Variants in CTNND2 observed in about 807,000 individuals in gnomAD.
CTNND2 encodes catenin delta-2.
Under a neutral mutation model 144.4 loss-of-function variants are expected in CTNND2, and 22 were observed. The ratio of observed to expected loss-of-function variants is 0.15; its 90% CI spans 0.11 to 0.22. CTNND2 has a LOEUF of 0.22. CTNND2 is among the 10% of genes least tolerant of loss of function. The pLI, the probability that CTNND2 is intolerant of heterozygous loss-of-function variation, is 1.00. For missense variants in CTNND2, 1,353 were observed against 1,618.8 expected, an observed-to-expected ratio of 0.84 and a Z score of 2.82; for synonymous variants, 751 against 695.6, an observed-to-expected ratio of 1.08 and a Z score of -1.25.
At chr5:11,122,439 G>A (rs889991441) in intron 12 of CTNND2, among the ~76,000 whole-genome samples, 3 of 151,892 alleles carry the variant, frequency 2.0e-5, no homozygotes, top group African/African-American at 7.3e-5. Flanking sequence ...TCAAGGCTAG[G>A]TTGTCTTCCT....
At chr5:11,019,533 C>G (rs1226259796) in intron 17 of CTNND2, among the ~76,000 whole-genome samples, 1 of 152,164 alleles carries the variant, frequency 6.6e-6, no homozygotes, top group East Asian at 1.9e-4. Context: ...TAACGAACAG[C>G]AGGTTTTAAC....
intron 3 of CTNND2, among the ~76,000 whole-genome samples, chr5:11,520,605 T>C (rs1186607208): frequency 2.0e-5 from 3 of 152,222 alleles, no homozygotes; most frequent in Non-Finnish European, 4.4e-5. Flanking sequence ...TTGTCACCCA[T>C]GAGACACGCC....
At chr5:11,114,227 C>T (rs756521748) in intron 13 of CTNND2, among the ~76,000 whole-genome samples, 4 of 152,170 alleles carry the variant, frequency 2.6e-5, no homozygotes, top group Non-Finnish European at 5.9e-5. Flanking sequence ...TCCCACTGTT[C>T]GTCTTCCCTG....
intron 1 of CTNND2, among the ~76,000 whole-genome samples, chr5:11,820,052 T>C (rs905206833): frequency 4.6e-5 from 7 of 152,150 alleles, no homozygotes; most frequent in African/African-American, 1.7e-4. Flanking sequence ...GACTGCCTGC[T>C]TCCCCCGTGT....
chr5:11,717,937 A>G (rs1334432413), intron 2 of CTNND2, among the ~76,000 whole-genome samples: 2 of 152,140 alleles, frequency 1.3e-5, no homozygotes, highest in East Asian at 3.9e-4. Context: ...AATGCTATCA[A>G]CACCTTCTTA....
chr5:11,903,840 T>G lies in CTNND2; in HGVS notation c.14A>C (p.Lys5Thr). 2.0e-6 allele frequency: 3 copies of G among 1,481,864 alleles called. No homozygotes were observed. The highest frequency in any genetic ancestry group is 2.7e-6 in the Non-Finnish European group (3 of 1,122,546). The allele number at this position is 1,481,864 out of a possible 1,614,324, so 91.8% of individuals were successfully genotyped here. A position where few individuals can be genotyped will look rare whatever the true frequency, so the allele number is the denominator to read the frequency against. The stretch of plus-strand genomic sequence containing the variant: ...ACCCAAAGGCGCGGCGCCCGGCGGC[T>G]TCCTCGCAAACATGCACCCTCCGCC... The part of the protein sequence containing the change: MFAR[K>T]PPGAAPLGAM... Residue 5 changes from lysine to threonine, a missense_variant, in exon 1 of 22, where the codon AAG (lysine) becomes ACG (threonine). By Grantham distance (78) the Lys-to-Thr change is moderately conservative. This residue lies in a region of CTNND2 where 708 missense variants were observed against 706.4 expected (regional missense o/e 1.00). Coordinates refer to ENST00000304623, the MANE Select transcript of CTNND2 (RefSeq NM_001332.4). This position sits in a 1 kb window ranked among gnomAD's most constrained non-coding sequence, Gnocchi z 5.4.
chr5:11,413,037 C>G (rs1224013435), intron 3 of CTNND2, among the ~76,000 whole-genome samples: 1 of 152,126 alleles, frequency 6.6e-6, no homozygotes, highest in Non-Finnish European at 1.5e-5. Flanking sequence ...AAGGCCATGA[C>G]TGGCGTAAAT....
rs140006746 is a variant in CTNND2, at chr5:11,428,345, C to T, written c.288-16276G>A. The stretch of plus-strand genomic sequence containing the variant: ...TAAATTTCCTTCTCCCTAATCATCA[C>T]CTGTAAGATCAAGCCCCAACTCCTT... On this transcript the variant is annotated intron_variant, in intron 3 of 21. Transcript: ENST00000304623. 1.2e-4 allele frequency among the ~76,000 whole-genome samples: 18 copies of T among 152,302 alleles called. No individual in the cohort carries two copies. The East Asian group carries it at 3.1e-3, about 26-fold the overall frequency.
intron 1 of CTNND2, among the ~76,000 whole-genome samples, chr5:11,754,639 T>C (rs1788819413): frequency 6.6e-6 from 1 of 151,874 alleles, no homozygotes; most frequent in Non-Finnish European, 1.5e-5. Context: ...TGGGTGCTCC[T>C]GTCTTGGGTG....
intron 1 of CTNND2, among the ~76,000 whole-genome samples, chr5:11,833,527 GT>G (rs1554128694): frequency 6.6e-6 from 1 of 150,760 alleles, no homozygotes; most frequent in African/African-American, 2.4e-5. Context: ...AAACTATTTT[GT>G]TTTTTTTTGT....
At chr5:11,186,427 C>T (rs1735633156) in intron 11 of CTNND2, among the ~76,000 whole-genome samples, 1 of 152,158 alleles carries the variant, frequency 6.6e-6, no homozygotes, top group Non-Finnish European at 1.5e-5. Context: ...CCAGTGGAAG[C>T]GATTCCACTT....
Position 11,596,655 on chromosome 5 carries a change from A to G in CTNND2, c.175-31599T>C, listed in dbSNP as rs571292767. On this transcript the variant is annotated intron_variant, in intron 2 of 21. Coordinates refer to ENST00000304623, the MANE Select transcript of CTNND2 (RefSeq NM_001332.4). ...GTAGGATATATTTGCCTTTGGTATTATAAAAATCCTTTACATTTAGGCTGG... is the reference window on the plus strand; with the variant it reads ...GTAGGATATATTTGCCTTTGGTATTGTAAAAATCCTTTACATTTAGGCTGG... Among the ~76,000 whole-genome samples, 9 of 152,324 alleles carry G rather than the reference A, an allele frequency of 5.9e-5. No individual in the cohort carries two copies. The South Asian group carries it at 1.0e-3, about 18-fold the overall frequency.
chr5:11,461,214 GC>G (rs530196611), intron 3 of CTNND2, among the ~76,000 whole-genome samples: 89 of 151,898 alleles, frequency 5.9e-4, no homozygotes, highest in Middle Eastern at 6.8e-3. Context: ...TGGAACAAAT[GC>G]CCTGAATAAA....
chr5:11,087,689 ATAAATCAAT>A (rs71987845), intron 15 of CTNND2, among the ~76,000 whole-genome samples: 11,576 of 140,180 alleles, frequency 0.083, 569 homozygotes, highest in Non-Finnish European at 0.11. Context: ...TAGTAAAGAA[ATAAATCAAT>A]TTAATAAGCA....
intron 16 of CTNND2, among the ~76,000 whole-genome samples, chr5:11,052,140 G>T (rs1745898980): frequency 6.6e-6 from 1 of 152,106 alleles, no homozygotes; most frequent in Non-Finnish European, 1.5e-5. Context: ...GGAGCCAAAG[G>T]GCTGTTAGAT....
chr5:11,490,889 G>A (rs567735360), intron 3 of CTNND2, among the ~76,000 whole-genome samples: 1 of 152,280 alleles, frequency 6.6e-6, no homozygotes, highest in Non-Finnish European at 1.5e-5. Flanking sequence ...TTGGGAGGCT[G>A]AGGTGGGAGG....
At chr5:11,184,962 G>A (rs772722303) in intron 11 of CTNND2, among the ~76,000 whole-genome samples, 4 of 152,290 alleles carry the variant, frequency 2.6e-5, no homozygotes, top group African/African-American at 7.2e-5. Context: ...GCTGCTTTGC[G>A]CAGGAGTGCT....
chr5:11,557,430 G>A (rs544552064), intron 3 of CTNND2, among the ~76,000 whole-genome samples: 1 of 152,258 alleles, frequency 6.6e-6, no homozygotes, highest in East Asian at 1.9e-4. Context: ...TCAGATCGAG[G>A]TTCTGGTTTT....
At chr5:11,127,703 G>C (rs527707436) in intron 12 of CTNND2, among the ~76,000 whole-genome samples, 13 of 152,270 alleles carry the variant, frequency 8.5e-5, no homozygotes, top group African/African-American at 2.2e-4. Flanking sequence ...TGCATGTTGG[G>C]AGCAGATATG....
Sources: gnomAD v4.1 joint callset for allele counts (sites outside exome capture counted in the v4.1 genomes callset) on GRCh38, gnomAD v4.1.1 for gene constraint, gnomAD v4.1.1 regional missense constraint, Gnocchi (gnomAD v3.1) non-coding constraint, MANE v1.5 for transcripts, NCBI Gene and HGNC (gene_info 2026-07-23, HGNC 2026-07-21) for gene names.